Variants in CELF6 observed in about 807,000 individuals in gnomAD.
The protein encoded by CELF6 is CUGBP Elav-like family member 6, also known as Bruno -like 6, RNA binding protein.
A neutral mutation model predicts 53.1 loss-of-function variants in CELF6; 32 were observed. The observed-to-expected ratio is 0.60, with a 90% CI of 0.46 to 0.81. The LOEUF (loss-of-function observed/expected upper bound fraction) is 0.81, where lower values mean the gene tolerates loss of function less well. Among genes scored for constraint, CELF6 ranks in the 30% least tolerant of loss-of-function variants. CELF6 has a pLI of 0.00. For synonymous variants in CELF6, 291 were observed against 288.8 expected, an observed-to-expected ratio of 1.01 and a Z score of -0.08; for missense variants, 539 against 669.5, an observed-to-expected ratio of 0.81 and a Z score of 2.15.
chr15:72,298,851 G>T (rs911377353), intron 3 of CELF6, among the ~76,000 whole-genome samples: 3 of 152,116 alleles, frequency 2.0e-5, no homozygotes, highest in Non-Finnish European at 4.4e-5. Flanking sequence ...AGTTACCATT[G>T]TCTGAGGGAT....
intron 2 of CELF6, chr15:72,305,997 A>G (rs1212421604): frequency 1.3e-6 from 1 of 786,670 alleles, no homozygotes; most frequent in Non-Finnish European, 1.5e-6. Flanking sequence ...AAGTGTAGAT[A>G]AAAATCACCC....
chr15:72,286,928 T>C (rs2087930032), intron 12 of CELF6, among the ~76,000 whole-genome samples: 1 of 152,212 alleles, frequency 6.6e-6, no homozygotes, highest in Non-Finnish European at 1.5e-5. Flanking sequence ...TTTTCCAGTC[T>C]CCTGGACCCT....
chr15:72,301,694 A>G (rs954527015), intron 3 of CELF6, among the ~76,000 whole-genome samples: 2 of 151,630 alleles, frequency 1.3e-5, no homozygotes, highest in African/African-American at 2.4e-5. Flanking sequence ...GCCAAATGTT[A>G]CATTTTAAAA....
chr15:72,297,485 G>A (rs1053726402), intron 3 of CELF6, among the ~76,000 whole-genome samples: 9 of 152,160 alleles, frequency 5.9e-5, no homozygotes, highest in Non-Finnish European at 1.2e-4. Flanking sequence ...ATAGCCAAAA[G>A]GTTGAAGGTA....
In CELF6 at chr15:72,289,541, C is replaced by T; in HGVS notation, c.748-34G>A. 2 of 1,496,018 alleles carry T rather than the reference C, an allele frequency of 1.3e-6. No individual in the cohort carries two copies. The highest frequency in any genetic ancestry group is 1.8e-6 in the Non-Finnish European group (2 of 1,126,988). 92.7% of individuals were successfully genotyped at this position (1,496,018 alleles called of 1,614,324 possible). On this transcript the variant is annotated intron_variant, in intron 6 of 12. Transcript: ENST00000287202. The surrounding 1 kb of genome is among the most constrained non-coding windows in gnomAD (Gnocchi z 7.6). Reference sequence around the variant, plus strand: ...GGAAAGATGGGCGAGAGTGGAGGGCCAAGGGGCAGGCAGCTGCCCGTGCTC... The same window carrying T: ...GGAAAGATGGGCGAGAGTGGAGGGCTAAGGGGCAGGCAGCTGCCCGTGCTC...
At chr15:72,318,480 T>C (rs1036789425) in intron 1 of CELF6, among the ~76,000 whole-genome samples, 1 of 152,112 alleles carries the variant, frequency 6.6e-6, no homozygotes. Context: ...AGCATGGTGG[T>C]GGTGGTGGGG....
intron 2 of CELF6, among the ~76,000 whole-genome samples, chr15:72,310,770 A>G (rs2140304722): frequency 6.6e-6 from 1 of 151,880 alleles, no homozygotes; most frequent in African/African-American, 2.4e-5. Flanking sequence ...GATTACAGGC[A>G]TGAGCCACTA....
At chr15:72,303,353 C>T (rs2088182104) in intron 3 of CELF6, among the ~76,000 whole-genome samples, 1 of 151,628 alleles carries the variant, frequency 6.6e-6, no homozygotes. Flanking sequence ...TTGGAAATAT[C>T]TCTCCAAGAC....
chr15:72,289,273 G>T lies in CELF6; in HGVS notation c.895C>A (p.Pro299Thr). 6.3e-7 allele frequency: 1 copy of T among 1,576,574 alleles called. No homozygotes were observed. The highest frequency in any genetic ancestry group is 2.3e-5 in the East Asian group (1 of 43,614). Residue 299 changes from proline to threonine, a missense_variant, in exon 8 of 13, where the codon CCT (proline) becomes ACT (threonine). Pro to Thr is a conservative substitution (Grantham distance 38). Transcript: ENST00000287202. This position sits in a 1 kb window ranked among gnomAD's most constrained non-coding sequence, Gnocchi z 7.6. ...LLPAAAANSP[P>T]GSGPGTLPGL... ...GGGAGGGTGCCAGGGCCGCTGCCAG[G>T]CGGGGAGTTGGCTGCTGATGGCGGA...
intron 1 of CELF6, among the ~76,000 whole-genome samples, chr15:72,318,928 A>G (rs958294233): frequency 6.6e-6 from 1 of 152,222 alleles, no homozygotes; most frequent in Non-Finnish European, 1.5e-5. Context: ...TGAAATCAAA[A>G]GAGGTAGAGT....
chr15:72,297,086 A>T (rs1452999191), intron 3 of CELF6, among the ~76,000 whole-genome samples: 1 of 152,234 alleles, frequency 6.6e-6, no homozygotes, highest in East Asian at 1.9e-4. Flanking sequence ...TGAAATGATT[A>T]AATGGAGCTA....
At position 72,289,894 on chromosome 15, in the gene CELF6, C is replaced by CCCGA; in HGVS notation, c.603+44_603+45insTCGG. On this transcript the variant is annotated intron_variant, in intron 5 of 12. Transcript: ENST00000287202. The surrounding 1 kb of genome is among the most constrained non-coding windows in gnomAD (Gnocchi z 7.6). ...CACACTCGGGGAGGAGAAGCCCGTC[C>CCCGA]CCACCCCACTGGCCTCACCCTCAGC... The CCCGA allele has an allele frequency of 6.5e-7, 1 of 1,533,860 alleles. No individual in the cohort carries two copies. Among genetic ancestry groups the CCCGA allele is most frequent in the Non-Finnish European group, 8.8e-7 (1 of 1,142,756 alleles).
intron 2 of CELF6, 24 bp from the exon 3 acceptor site, chr15:72,304,818 C>T: frequency 6.2e-7 from 1 of 1,613,786 alleles, no homozygotes; most frequent in African/African-American, 1.3e-5. Flanking sequence ...GACCAACACA[C>T]CCATTCAGCG....
chr15:72,308,852 C>T (rs1423375479), intron 2 of CELF6, among the ~76,000 whole-genome samples: 1 of 151,884 alleles, frequency 6.6e-6, no homozygotes, highest in Admixed American at 6.6e-5. Flanking sequence ...ATTACAGACA[C>T]CCACCACCAT....
At chr15:72,314,110 T>G (rs1337681535) in intron 2 of CELF6, among the ~76,000 whole-genome samples, 2 of 152,216 alleles carry the variant, frequency 1.3e-5, no homozygotes, top group African/African-American at 4.8e-5. Flanking sequence ...TACTTGGCAC[T>G]TAGTCCCCAA....
At chr15:72,303,871 GT>G (rs1216404865) in intron 3 of CELF6, among the ~76,000 whole-genome samples, 2 of 151,284 alleles carry the variant, frequency 1.3e-5, no homozygotes, top group African/African-American at 4.9e-5. Flanking sequence ...TTTTGTTTTT[GT>G]TTTGATACAG....
intron 2 of CELF6, among the ~76,000 whole-genome samples, chr15:72,308,686 G>GC (rs2088260961): frequency 6.6e-6 from 1 of 151,328 alleles, no homozygotes; most frequent in Non-Finnish European, 1.5e-5. Context: ...ATTTTTAAAT[G>GC]TTTTTTTTTA....
At chr15:72,316,077 A>T in intron 1 of CELF6, 150 bp from the exon 2 acceptor site, 2 of 593,934 alleles carry the variant, frequency 3.4e-6, no homozygotes, top group Non-Finnish European at 5.9e-6. Flanking sequence ...CCACCTCTGG[A>T]GGGAGGGGCT....
chr15:72,317,715 T>C (rs536599180), intron 1 of CELF6, among the ~76,000 whole-genome samples: 5 of 152,262 alleles, frequency 3.3e-5, no homozygotes, highest in Non-Finnish European at 5.9e-5. Context: ...GTGATTTAGT[T>C]TGGAAATAAA....
Sources: gnomAD v4.1 joint callset for allele counts (sites outside exome capture counted in the v4.1 genomes callset) on GRCh38, gnomAD v4.1.1 for gene constraint, Gnocchi (gnomAD v3.1) non-coding constraint, MANE v1.5 for transcripts, NCBI Gene and HGNC (gene_info 2026-07-23, HGNC 2026-07-21) for gene names.